Variants in CCDC93 observed in about 807,000 individuals in gnomAD.
CCDC93 encodes coiled-coil domain-containing protein 93.
Under a neutral mutation model 108.2 loss-of-function variants are expected in CCDC93, and 61 were observed. That is an observed-to-expected ratio of 0.56 (90% confidence interval 0.46 to 0.70). The LOEUF is 0.70. CCDC93 is among the 30% of genes least tolerant of loss of function. The pLI is 0.00. For missense variants in CCDC93, 685 were observed against 764.2 expected (o/e 0.90, Z 1.22); for synonymous variants, 276 against 260.4 (o/e 1.06, Z -0.58).
intron 3 of CCDC93, among the ~76,000 whole-genome samples, chr2:118,005,907 A>C (rs1006805118): frequency 6.6e-6 from 1 of 152,226 alleles, no homozygotes; most frequent in African/African-American, 2.4e-5. Context: ...AGTTACTCAC[A>C]GATACCACCT....
chr2:117,967,039 C>G (rs1300385273), intron 11 of CCDC93, among the ~76,000 whole-genome samples: 1 of 152,224 alleles, frequency 6.6e-6, no homozygotes, highest in Non-Finnish European at 1.5e-5. Context: ...GTCGCCCAGG[C>G]TGGAGTGCAG....
rs186350947 is a variant in CCDC93, at chr2:118,009,146, G to A, written c.43-488C>T. Among the ~76,000 whole-genome samples the A allele has an allele frequency of 3.4e-3, 521 of 152,188 alleles. 5 individuals carry two copies. Among genetic ancestry groups the A allele is most frequent in the African/African-American group, 0.012 (484 of 41,520 alleles). On this transcript the variant is annotated intron_variant, in intron 1 of 23. Transcript: ENST00000376300. ...AGCACTTTGGGAGGCTGAGGCGGGC[G>A]GATCACTTGAGGTCAGGAGTTCAAG...
chr2:117,939,508 C>T (rs1678631025), intron 19 of CCDC93, among the ~76,000 whole-genome samples: 1 of 152,070 alleles, frequency 6.6e-6, no homozygotes, highest in Admixed American at 6.6e-5. Flanking sequence ...ATGATTTTAA[C>T]CTGTGTGAAA....
chr2:118,010,472 T>C (rs1035168220), intron 1 of CCDC93, among the ~76,000 whole-genome samples: 1 of 152,214 alleles, frequency 6.6e-6, no homozygotes, highest in African/African-American at 2.4e-5. Flanking sequence ...TAATCATCTC[T>C]GAGTCCTCCC....
chr2:117,951,211 C>T (rs974121960), intron 13 of CCDC93: 16 of 985,174 alleles, frequency 1.6e-5, no homozygotes, highest in Middle Eastern at 5.2e-4. Context: ...AGGGGCTCTG[C>T]GGCATTAAAA....
intron 23 of CCDC93, among the ~76,000 whole-genome samples, chr2:117,925,467 C>CT (rs1176811817): frequency 2.0e-5 from 3 of 152,156 alleles, no homozygotes; most frequent in South Asian, 4.1e-4. Flanking sequence ...GCAGGGGTTG[C>CT]AATCCTAGTC....
chr2:117,945,806 C>CA (rs922631580), intron 16 of CCDC93, among the ~76,000 whole-genome samples: 2 of 152,190 alleles, frequency 1.3e-5, no homozygotes, highest in Admixed American at 1.3e-4. Flanking sequence ...CACACTAACA[C>CA]AGTAAACCGT....
chr2:118,005,809 T>C (rs1676850403), intron 3 of CCDC93, among the ~76,000 whole-genome samples: 2 of 151,978 alleles, frequency 1.3e-5, no homozygotes, highest in Non-Finnish European at 2.9e-5. Context: ...ATGCTTCTTT[T>C]GTCAACAAGA....
rs1174307251 is a variant in CCDC93, at chr2:117,915,756, G to C, written c.*4587C>G. ...ATGCAGGTGGACATATGATATACAC[G>C]TGTATACGTCTGTGTGAAAACATAT... On this transcript the variant is annotated 3_prime_UTR_variant, in exon 24 of 24. Coordinates refer to ENST00000376300, the MANE Select transcript of CCDC93 (RefSeq NM_019044.5). 6.6e-6 allele frequency: 1 copy of C among 152,028 alleles called. No homozygotes were observed. Among genetic ancestry groups the C allele is most frequent in the Non-Finnish European group, 1.5e-5 (1 of 68,016 alleles). 9.4% of individuals were successfully genotyped at this position (152,028 alleles called of 1,614,324 possible).
chr2:117,993,727 G>GTGTTTT (rs1168532206), intron 6 of CCDC93, among the ~76,000 whole-genome samples: 15 of 152,026 alleles, frequency 9.9e-5, no homozygotes, highest in Admixed American at 5.2e-4. Flanking sequence ...AATCTTTGTT[G>GTGTTTT]TGTTTTTGTT....
chr2:117,926,672 C>T (rs1165769401), intron 23 of CCDC93, among the ~76,000 whole-genome samples: 1 of 152,162 alleles, frequency 6.6e-6, no homozygotes, highest in Non-Finnish European at 1.5e-5. Flanking sequence ...GGATTCACAG[C>T]CAAATTCTAC....
chr2:117,987,806 CCTT>C (rs1333248113), intron 6 of CCDC93, among the ~76,000 whole-genome samples: 1 of 152,122 alleles, frequency 6.6e-6, no homozygotes, highest in Admixed American at 6.6e-5. Context: ...ATCAATTTAT[CCTT>C]CTGTCATTAA....
At chr2:117,959,607 A>G (rs1260825454) in intron 11 of CCDC93, among the ~76,000 whole-genome samples, 3 of 152,366 alleles carry the variant, frequency 2.0e-5, no homozygotes, top group Non-Finnish European at 2.9e-5. Context: ...AGCAGGTATT[A>G]TTAATGGATG....
chr2:117,978,577 G>GT (rs1467876825), intron 7 of CCDC93, among the ~76,000 whole-genome samples: 3 of 151,982 alleles, frequency 2.0e-5, no homozygotes, highest in Non-Finnish European at 4.4e-5. Flanking sequence ...ATTAATCTAT[G>GT]TTTTTTTAAA....
intron 2 of CCDC93, 147 bp from the exon 3 acceptor site, chr2:118,006,963 T>C (rs1268810503): frequency 4.9e-6 from 3 of 614,308 alleles, no homozygotes; most frequent in Non-Finnish European, 5.9e-6. Flanking sequence ...TGTGTCCTCC[T>C]TACCCCATCA....
At chr2:118,013,654 C>T (rs1452669966) in intron 1 of CCDC93, among the ~76,000 whole-genome samples, 2 of 152,162 alleles carry the variant, frequency 1.3e-5, no homozygotes, top group Non-Finnish European at 2.9e-5. Flanking sequence ...GGTGGGAGCC[C>T]AGGACCCCGC....
intron 3 of CCDC93, among the ~76,000 whole-genome samples, chr2:118,002,220 T>A (rs1676720181): frequency 6.6e-6 from 1 of 152,200 alleles, no homozygotes; most frequent in Admixed American, 6.5e-5. Flanking sequence ...CCCAAAAGTG[T>A]TTCTTGTTCA....
At chr2:117,956,022 G>A (rs1406410817) in intron 12 of CCDC93, among the ~76,000 whole-genome samples, 1 of 152,094 alleles carries the variant, frequency 6.6e-6, no homozygotes, top group Non-Finnish European at 1.5e-5. Flanking sequence ...TTTGAAAACT[G>A]ACAGAAACAA....
intron 7 of CCDC93, among the ~76,000 whole-genome samples, chr2:117,982,341 T>C (rs1227323805): frequency 2.0e-5 from 3 of 152,236 alleles, no homozygotes; most frequent in South Asian, 2.1e-4. Context: ...ACTGAACCCA[T>C]AACAAAACTG....
Sources: gnomAD v4.1 joint callset for allele counts (sites outside exome capture counted in the v4.1 genomes callset) on GRCh38, gnomAD v4.1.1 for gene constraint, MANE v1.5 for transcripts, NCBI Gene and HGNC (gene_info 2026-07-23, HGNC 2026-07-21) for gene names.